Variants in HEATR5B observed in about 807,000 individuals in gnomAD.
HEATR5B encodes HEAT repeat-containing protein 5B.
In HEATR5B, 156 loss-of-function variants were observed where a neutral mutation model predicts 224.1. That is an observed-to-expected ratio of 0.70 (90% CI 0.61 to 0.80). The LOEUF (loss-of-function observed/expected upper bound fraction) is 0.80, where lower values mean the gene tolerates loss of function less well. Among genes scored for constraint, HEATR5B ranks in the 30% least tolerant of loss-of-function variants. The pLI is 0.00. For synonymous variants in HEATR5B, 1,027 were observed against 893.0 expected, an observed-to-expected ratio of 1.15 and a Z score of -2.68; for missense variants, 2,323 against 2,535.5, an observed-to-expected ratio of 0.92 and a Z score of 1.80.
chr2:37,011,628 G>A (rs1164783581), intron 27 of HEATR5B, among the ~76,000 whole-genome samples: 1 of 152,150 alleles, frequency 6.6e-6, no homozygotes, highest in Non-Finnish European at 1.5e-5. Context: ...GTTTTCCCAT[G>A]TGAATACCAG....
At chr2:36,994,700 T>G (rs940169680) in intron 33 of HEATR5B, among the ~76,000 whole-genome samples, 1 of 152,196 alleles carries the variant, frequency 6.6e-6, no homozygotes, top group Non-Finnish European at 1.5e-5. Context: ...TTCAAAAATA[T>G]TGACTCTAGA....
intron 12 of HEATR5B, among the ~76,000 whole-genome samples, chr2:37,059,643 T>C (rs1671154791): frequency 6.6e-6 from 1 of 151,540 alleles, no homozygotes. Flanking sequence ...TTTGTATCTT[T>C]AGTAGAGACA....
In HEATR5B at chr2:36,988,740, T is replaced by C. The variant is rs535356684; in HGVS notation, c.5817A>G (p.Glu1939=). 3 of 1,614,162 alleles carry C rather than the reference T, an allele frequency of 1.9e-6. No individual in the cohort carries two copies. The African/African-American group carries it at 4.0e-5, about 22-fold the overall frequency. The part of the protein sequence containing the change: ...PIVVEKLKAV[E]RNRPASNIEL... ...CTATGTTACTGGCTGGTCTGTTTCT[T>C]TCAACAGCTTTTAGCTTTTCAACCA... The change falls in exon 35 of 36, where the codon GAA becomes GAG. Residue 1939 remains glutamate (E), a synonymous_variant. Transcript: ENST00000233099.
chr2:37,000,367 C>T (rs184353158), intron 33 of HEATR5B, among the ~76,000 whole-genome samples: 2 of 152,160 alleles, frequency 1.3e-5, no homozygotes, highest in African/African-American at 2.4e-5. Flanking sequence ...TGGGCCACCA[C>T]GCCTGGCCCC....
chr2:36,984,540 A>T (rs1450980180), intron 35 of HEATR5B, among the ~76,000 whole-genome samples: 1 of 152,024 alleles, frequency 6.6e-6, no homozygotes, highest in African/African-American at 2.4e-5. Flanking sequence ...CAATTAGGCA[A>T]TATTTCTCAA....
chr2:37,043,116 G>A (rs1373417700), intron 18 of HEATR5B, among the ~76,000 whole-genome samples: 1 of 152,258 alleles, frequency 6.6e-6, no homozygotes, highest in South Asian at 2.1e-4. Flanking sequence ...CTTTCCACTT[G>A]ATGTGTGCCA....
chr2:37,011,885 G>T (rs1011612331), intron 27 of HEATR5B, among the ~76,000 whole-genome samples: 12 of 152,002 alleles, frequency 7.9e-5, no homozygotes, highest in Non-Finnish European at 1.6e-4. Context: ...TAGACTACAG[G>T]CCCAGAAATG....
At chr2:36,991,776 A>C (rs1175285268) in intron 33 of HEATR5B, among the ~76,000 whole-genome samples, 1 of 152,212 alleles carries the variant, frequency 6.6e-6, no homozygotes, top group Non-Finnish European at 1.5e-5. Context: ...GTAAATACCC[A>C]GTGATAATCA....
In HEATR5B at chr2:37,064,649, G is replaced by C. The variant is rs1171561952; in HGVS notation, c.1584+91C>G. 3 of 1,295,484 alleles carry C rather than the reference G, an allele frequency of 2.3e-6. No individual in the cohort carries two copies. In the African/African-American group the frequency reaches 4.4e-5, roughly 19 times the overall value. The allele number at this position is 1,295,484 out of a possible 1,614,324, so 80.2% of individuals were successfully genotyped here. A position where few individuals can be genotyped will look rare whatever the true frequency, so the allele number is the denominator to read the frequency against. ...TGATAACATAGTACAACTGTTATTT[G>C]ACCACCCTGTTCAACACTAAACACA... On this transcript the variant is annotated intron_variant, in intron 10 of 35. Coordinates refer to ENST00000233099, the MANE Select transcript of HEATR5B (RefSeq NM_019024.3).
chr2:37,052,813 A>G (rs1479959938), intron 17 of HEATR5B, among the ~76,000 whole-genome samples: 1 of 152,250 alleles, frequency 6.6e-6, no homozygotes, highest in Non-Finnish European at 1.5e-5. Flanking sequence ...CAAAGAGATG[A>G]TTCTCATCCT....
At position 37,053,501 on chromosome 2, in the gene HEATR5B, C is replaced by T; in HGVS notation, c.2505+1G>A. The T allele has an allele frequency of 6.4e-7, 1 of 1,561,072 alleles. No homozygotes were observed. Among genetic ancestry groups the T allele is most frequent in the Non-Finnish European group, 8.8e-7 (1 of 1,141,524 alleles). ...GAATAGTATGTATTAAAAGTAAATACCTTTAGTGCACTAAGAACAGCAGTA... is the reference window on the plus strand; with the variant it reads ...GAATAGTATGTATTAAAAGTAAATATCTTTAGTGCACTAAGAACAGCAGTA... On this transcript the variant is annotated splice_donor_variant, in intron 17 of 35. Transcript: ENST00000233099. LOFTEE classifies it high-confidence loss of function.
intron 5 of HEATR5B, among the ~76,000 whole-genome samples, chr2:37,073,717 A>G (rs1672050105): frequency 6.6e-6 from 1 of 152,250 alleles, no homozygotes; most frequent in African/African-American, 2.4e-5. Context: ...TATTATTAGG[A>G]TGGCAATTCT....
intron 25 of HEATR5B, among the ~76,000 whole-genome samples, chr2:37,020,145 T>G (rs1187109067): frequency 2.0e-5 from 3 of 152,152 alleles, no homozygotes; most frequent in Non-Finnish European, 4.4e-5. Flanking sequence ...CCTCAAATGA[T>G]CCACCCACCT....
intron 29 of HEATR5B, 49 bp downstream of exon 29, chr2:37,007,001 G>T: frequency 2.6e-6 from 4 of 1,562,236 alleles, no homozygotes; most frequent in South Asian, 1.1e-5. Flanking sequence ...TGAAAGATAT[G>T]AATTTTCAGA....
At chr2:37,061,790 T>C (rs1001236212) in intron 11 of HEATR5B, 149 bp downstream of exon 11, 8 of 534,910 alleles carry the variant, frequency 1.5e-5, no homozygotes, top group African/African-American at 7.8e-5. Context: ...AGAAATCTAC[T>C]AGCAAATGAC....
chr2:37,046,124 A>G (rs1572880582), intron 18 of HEATR5B, among the ~76,000 whole-genome samples: 1 of 152,240 alleles, frequency 6.6e-6, no homozygotes, highest in Non-Finnish European at 1.5e-5. Flanking sequence ...GATCAAATAA[A>G]AGAAGCTATG....
Position 37,000,757 on chromosome 2 carries a change from T to C in HEATR5B, c.5374A>G (p.Thr1792Ala). 6.2e-7 allele frequency: 1 copy of C among 1,614,210 alleles called. No homozygotes were observed. The highest frequency in any genetic ancestry group is 1.7e-5 in the Admixed American group (1 of 60,022). Residue 1792 changes from threonine to alanine, a missense_variant, in exon 33 of 36, where the codon ACA becomes GCA. Coordinates refer to ENST00000233099, the MANE Select transcript of HEATR5B (RefSeq NM_019024.3). ...TGATTATCTGCAGACTTTATTGCTGTGTCTTTCAATATTCTTGCAATTAAG... is the reference window on the plus strand; with the variant it reads ...TGATTATCTGCAGACTTTATTGCTGCGTCTTTCAATATTCTTGCAATTAAG... ...LFLIARILKD[T>A]AIKSADNQVP... is the part of the protein sequence containing the mutation.
In HEATR5B at chr2:37,002,312, G is replaced by C; in HGVS notation, c.5311C>G (p.Pro1771Ala). The change falls in exon 32 of 36, where the codon CCC becomes GCC. Residue 1771 changes from proline (P) to alanine (A), a missense_variant. Pro to Ala is a conservative substitution (Grantham distance 27, BLOSUM62 -1). Around this residue, in one of 12 missense-constraint regions of HEATR5B, gnomAD observed 844 missense variants for 812.9 expected, o/e 1.04. Transcript: ENST00000233099. ...ATACTGATCAATACCGTACCAGCGG[G>C]TGAACAAAGGGATGGTAAATCAGAG... ...ILSDLPSLCS[P>A]AGCMTILPTI... is the part of the protein sequence containing the mutation. The C allele has an allele frequency of 4.3e-6, 7 of 1,614,154 alleles. No individual in the cohort carries two copies. The highest frequency in any genetic ancestry group is 5.9e-6 in the Non-Finnish European group (7 of 1,179,992).
chr2:37,047,733 C>T (rs115138446), intron 18 of HEATR5B, among the ~76,000 whole-genome samples: 2,226 of 152,108 alleles, frequency 0.015, 40 homozygotes, highest in Non-Finnish European at 0.018. Flanking sequence ...ATATACAAGA[C>T]GGACCTGTAG....
Sources: gnomAD v4.1 joint callset for allele counts (sites outside exome capture counted in the v4.1 genomes callset) on GRCh38, gnomAD v4.1.1 for gene constraint, gnomAD v4.1.1 regional missense constraint, MANE v1.5 for transcripts, NCBI Gene and HGNC (gene_info 2026-07-23, HGNC 2026-07-21) for gene names.